Variants in CAMTA2 observed in about 807,000 individuals in gnomAD.
CAMTA2 encodes calmodulin binding transcription activator 2, also known as calmodulin-binding transcription activator 2.
A neutral mutation model predicts 135.7 loss-of-function variants in CAMTA2; 56 were observed. The ratio of observed to expected loss-of-function variants is 0.41; its 90% confidence interval spans 0.33 to 0.52. The LOEUF is 0.52. Among genes scored for constraint, CAMTA2 ranks in the 20% least tolerant of loss-of-function variants. CAMTA2 has a pLI of 0.16. For missense variants in CAMTA2, 1,358 were observed against 1,553.4 expected, an observed-to-expected ratio of 0.87 and a Z score of 2.11; for synonymous variants, 591 against 604.6, an observed-to-expected ratio of 0.98 and a Z score of 0.33.
chr17:4,972,201 G>T, intron 16 of CAMTA2, 31 bp downstream of exon 16: 2 of 1,576,218 alleles, frequency 1.3e-6, no homozygotes, highest in Non-Finnish European at 1.7e-6. Context: ...TCCACTTCTA[G>T]CCCCCATAAC....
intron 9 of CAMTA2, 52 bp from the exon 10 acceptor site, chr17:4,978,682 C>T (rs1972777731): frequency 6.3e-7 from 1 of 1,590,660 alleles, no homozygotes; most frequent in Non-Finnish European, 8.6e-7. Flanking sequence ...TTCATCCCCT[C>T]ACTCATTCAT....
chr17:4,970,920 T>C (rs452825), intron 16 of CAMTA2, among the ~76,000 whole-genome samples: 125,275 of 152,144 alleles, frequency 0.82, 52,445 homozygotes, highest in African/African-American at 0.93. Context: ...CAAGAACCAT[T>C]CCAACACTTG....
In CAMTA2 at chr17:4,987,652, C is replaced by G. The variant is rs1043914023; in HGVS notation, c.-124G>C. ...CATTCTACCCCACACCGACCCCCCC[C>G]AGCGCCGGCTGACAGCGGCGTCTAA... On this transcript the variant is annotated 5_prime_UTR_variant, in exon 1 of 23. Coordinates refer to ENST00000348066, the MANE Select transcript of CAMTA2 (RefSeq NM_015099.4). 1 of 1,521,464 alleles carries G rather than the reference C, an allele frequency of 6.6e-7. No individual in the cohort carries two copies. 94.2% of individuals were successfully genotyped at this position (1,521,464 alleles called of 1,614,324 possible).
At position 4,972,199 on chromosome 17, in the gene CAMTA2, T is replaced by C. The variant is rs766114404; in HGVS notation, c.2808+33A>G. 3 of 1,574,534 alleles carry C rather than the reference T, an allele frequency of 1.9e-6. No individual in the cohort carries two copies. In the South Asian group the frequency reaches 3.4e-5, roughly 18 times the overall value. ...GGCCTCACCCTTCCTACTCCACTTCTAGCCCCCATAACTCCATCAATATAA... is the reference window on the plus strand; with the variant it reads ...GGCCTCACCCTTCCTACTCCACTTCCAGCCCCCATAACTCCATCAATATAA... On this transcript the variant is annotated intron_variant, in intron 16 of 22. Coordinates refer to ENST00000348066, the MANE Select transcript of CAMTA2 (RefSeq NM_015099.4).
Position 4,978,547 on chromosome 17 carries a change from T to G in CAMTA2, c.1722A>C (p.Pro574=), listed in dbSNP as rs1464141594. The G allele has an allele frequency of 1.2e-6, 2 of 1,614,006 alleles. No individual in the cohort carries two copies. Among genetic ancestry groups the G allele is most frequent in the Admixed American group, 1.7e-5 (1 of 60,002 alleles). ...YSCVFDHIAV[P]ASLVQPGVLR... Reference sequence around the variant, plus strand: ...AGACACCAGGCTGGACAAGTGAGGCTGGCACTGCGATGTGATCAAAGACAC... The same window carrying G: ...AGACACCAGGCTGGACAAGTGAGGCGGGCACTGCGATGTGATCAAAGACAC... The change falls in exon 10 of 23, where the codon CCA becomes CCC. Residue 574 remains proline (P), a synonymous_variant. Coordinates refer to ENST00000348066, the MANE Select transcript of CAMTA2 (RefSeq NM_015099.4).
chr17:4,970,470 A>C lies in CAMTA2; in HGVS notation c.2875T>G (p.Phe959Val), dbSNP rs1470280379. Reference protein sequence around the residue: ...ATPERIKREDFVGLPEAGASM... With the variant: ...ATPERIKREDVVGLPEAGASM... ...GCTCCAGCCTCGGGCAGCCCCACGA[A>C]GTCCTCTCGTTTAATCCGCTCCGGT... The change falls in exon 17 of 23, where the codon TTC (phenylalanine) becomes GTC (valine). Residue 959 changes from phenylalanine (F) to valine (V), a missense_variant. Coordinates refer to ENST00000348066, the MANE Select transcript of CAMTA2 (RefSeq NM_015099.4). 6.2e-7 allele frequency: 1 copy of C among 1,614,022 alleles called. No individual in the cohort carries two copies. The highest frequency in any genetic ancestry group is 1.3e-5 in the African/African-American group (1 of 74,918).
chr17:4,982,501 G>A (rs978904559), intron 5 of CAMTA2, among the ~76,000 whole-genome samples: 2 of 152,246 alleles, frequency 1.3e-5, no homozygotes, highest in African/African-American at 4.8e-5. Context: ...GGAAACACAA[G>A]AGCAGTGAGG....
Position 4,980,656 on chromosome 17 carries a change from A to C in CAMTA2, c.701-35T>G, listed in dbSNP as rs1972907206. 1 of 1,523,376 alleles carries C rather than the reference A, an allele frequency of 6.6e-7. No homozygotes were observed. The allele number at this position is 1,523,376 out of a possible 1,614,324, so 94.4% of individuals were successfully genotyped here. On this transcript the variant is annotated intron_variant, in intron 8 of 22. Coordinates refer to ENST00000348066, the MANE Select transcript of CAMTA2 (RefSeq NM_015099.4). This position sits in a 1 kb window ranked among gnomAD's most constrained non-coding sequence, Gnocchi z 5.3. ...AGAGGAGTAGGAGGGAGAGGAGATA[A>C]GACACATCATTCCGCACCTTCTCTA...
At chr17:4,970,133 C>T (rs1278406588) in intron 17 of CAMTA2, 48 bp from the exon 18 acceptor site, 1 of 1,567,468 alleles carries the variant, frequency 6.4e-7, no homozygotes, top group Non-Finnish European at 8.7e-7. Flanking sequence ...TGAAGTCCCT[C>T]CTCTGCCACC....
chr17:4,986,150 G>A (rs762978642), intron 2 of CAMTA2, 42 bp downstream of exon 2: 16 of 1,251,618 alleles, frequency 1.3e-5, no homozygotes, highest in Middle Eastern at 1.8e-4. Context: ...TGGGGAGAAC[G>A]AAAGGCTGTG....
Position 4,972,902 on chromosome 17 carries a change from G to A in CAMTA2, c.2370C>T (p.Gly790=). 4 of 1,613,816 alleles carry A rather than the reference G, an allele frequency of 2.5e-6. No individual in the cohort carries two copies. Among genetic ancestry groups the A allele is most frequent in the Admixed American group, 1.7e-5 (1 of 60,024 alleles). ...AATGAGCCACAGACAATGGCAGACG[G>A]CCCAGAGAGTCGGGAATGCTCAGTG... The part of the protein sequence containing the change: ...RQALSIPDSL[G]RLPLSVAHSR... Residue 790 remains glycine, a synonymous_variant, in exon 15 of 23, where the codon GGC becomes GGT. Transcript: ENST00000348066.
At chr17:4,981,920 C>T (rs1972984420) in intron 6 of CAMTA2, 89 bp from the exon 7 acceptor site, 3 of 1,395,494 alleles carry the variant, frequency 2.1e-6, no homozygotes, top group Non-Finnish European at 3.0e-6. Context: ...TGGGCACCCT[C>T]CTAACCTCGC....
Position 4,980,146 on chromosome 17 carries a change from C to G in CAMTA2, c.1176G>C (p.Gly392=), listed in dbSNP as rs184703314. The G allele has an allele frequency of 9.5e-5, 151 of 1,592,596 alleles. No homozygotes were observed. In the African/African-American group the frequency reaches 1.7e-3, roughly 18 times the overall value. ...NSPQRGQTYG[G]GQGVSPDFPE... ...GGAAGTCTGGGCTTACTCCCTGCCC[C>G]CCTCCATATGTCTGGCCCCTCTGGG... The change falls in exon 9 of 23, where the codon GGG becomes GGC. Residue 392 remains glycine (G), a synonymous_variant. Transcript: ENST00000348066. This position sits in a 1 kb window ranked among gnomAD's most constrained non-coding sequence, Gnocchi z 5.3.
Position 4,968,475 on chromosome 17 carries a change from G to A in CAMTA2, c.*281C>T. On this transcript the variant is annotated 3_prime_UTR_variant, in exon 23 of 23. Transcript: ENST00000348066. ...GTCGGGTGCAGGCAGGAGGAGCTGG[G>A]GAGCAGGGGCAGGCAGGGCTCCGGA... 2 of 558,042 alleles carry A rather than the reference G, an allele frequency of 3.6e-6. No homozygotes were observed. Among genetic ancestry groups the A allele is most frequent in the Middle Eastern group, 4.7e-4 (1 of 2,126 alleles). The allele number at this position is 558,042 out of a possible 1,614,324, so 34.6% of individuals were successfully genotyped here.
chr17:4,984,405 T>G (rs1033103543), intron 3 of CAMTA2, among the ~76,000 whole-genome samples: 1 of 152,228 alleles, frequency 6.6e-6, no homozygotes, highest in Non-Finnish European at 1.5e-5. Flanking sequence ...ACCTCCTGCA[T>G]GTTAGTGCCC....
chr17:4,987,377 G>T (rs1973422786), intron 1 of CAMTA2: 1 of 1,361,378 alleles, frequency 7.3e-7, no homozygotes. Context: ...CCGGGTGCGG[G>T]GGTCTCCGGG....
intron 1 of CAMTA2, chr17:4,987,211 C>G (rs1443177593): frequency 7.5e-7 from 1 of 1,336,292 alleles, no homozygotes. Flanking sequence ...TGGGCGGCGC[C>G]GGATCGGACG....
intron 5 of CAMTA2, 25 bp downstream of exon 5, chr17:4,982,732 T>C: frequency 6.2e-7 from 1 of 1,612,144 alleles, no homozygotes; most frequent in Non-Finnish European, 8.5e-7. Flanking sequence ...CTCGGGAAGA[T>C]GAGCTGAATA....
chr17:4,986,516 G>A, intron 1 of CAMTA2: 1 of 541,736 alleles, frequency 1.8e-6, no homozygotes, highest in Non-Finnish European at 3.2e-6. Flanking sequence ...GAAATGGGTT[G>A]GGGTGGGGGA....
Sources: allele counts gnomAD v4.1 joint callset (sites outside exome capture counted in the v4.1 genomes callset), GRCh38; gene constraint gnomAD v4.1.1; non-coding constraint Gnocchi (gnomAD v3.1); transcripts MANE v1.5; gene names NCBI Gene and HGNC (gene_info 2026-07-23, HGNC 2026-07-21).